NRDC: variants seen among roughly 807,000 people sequenced by gnomAD.
NRDC encodes the protein nardilysin.
In NRDC, 54 loss-of-function variants were observed where a neutral mutation model predicts 147.1. That is an observed-to-expected ratio of 0.37 (90% CI 0.29 to 0.46). NRDC has a LOEUF of 0.46. Among genes scored for constraint, NRDC ranks in the 20% least tolerant of loss-of-function variants. NRDC has a pLI of 1.00. For synonymous variants in NRDC, 440 were observed against 482.1 expected (o/e 0.91, Z 1.14); for missense variants, 1,082 against 1,370.6 (o/e 0.79, Z 3.33).
At chr1:51,805,860 G>A (rs987773001) in intron 18 of NRDC, among the ~76,000 whole-genome samples, 1 of 152,172 alleles carries the variant, frequency 6.6e-6, no homozygotes, top group Non-Finnish European at 1.5e-5. Flanking sequence ...GAGGACAGAT[G>A]CTAAGAACAT....
In NRDC at chr1:51,795,096, A is replaced by G. The variant is rs78589085; in HGVS notation, c.2605-242T>C. On this transcript the variant is annotated intron_variant, in intron 22 of 30. Coordinates refer to ENST00000352171, the MANE Select transcript of NRDC (RefSeq NM_001101662.2). ...TTGGCAATCTGTTTACCCATAATAC[A>G]GTTTCCCAACTGGATCAAACTTAAT... The G allele has an allele frequency of 3.8e-4, 553 of 1,448,188 alleles. 2 individuals are homozygous for G. In the African/African-American group the frequency reaches 7.0e-3, roughly 18 times the overall value. 89.7% of individuals were successfully genotyped at this position (1,448,188 alleles called of 1,614,324 possible).
rs142515878 is a variant in NRDC at position 51,871,862 on chromosome 1, G to A, written c.341+6413C>T. On this transcript the variant is annotated intron_variant, in intron 1 of 30. Coordinates refer to ENST00000352171, the MANE Select transcript of NRDC (RefSeq NM_001101662.2). ...TCATTCAGTTCTTTAAAAACAGGGC[G>A]TTTTTGTTTGTTTTTTGGTTTTCTT... is the stretch of plus-strand genomic sequence containing the variant. Among the ~76,000 whole-genome samples, 875 of 152,116 alleles carry A rather than the reference G, an allele frequency of 5.8e-3. 3 individuals are homozygous for A. Among genetic ancestry groups the A allele is most frequent in the Middle Eastern group, 0.017 (5 of 294 alleles).
rs1484939228 is a variant in NRDC, at chr1:51,878,335, G to C, written c.281C>G (p.Ser94Cys). The change falls in exon 1 of 31, where the codon TCT (serine) becomes TGT (cysteine). Residue 94 changes from serine to cysteine, a missense_variant. Transcript: ENST00000352171. ...CTCAGGGTCCCCAGCATTACTGAGAGACCCCCTCCGTCCCTCTTCCTCAGA... is the reference window on the plus strand; with the variant it reads ...CTCAGGGTCCCCAGCATTACTGAGACACCCCCTCCGTCCCTCTTCCTCAGA... ...DESEEEGRRG[S>C]LSNAGDPEIV... 2.5e-6 allele frequency: 4 copies of C among 1,614,030 alleles called. No individual in the cohort carries two copies. The highest frequency in any genetic ancestry group is 2.7e-5 in the African/African-American group (2 of 74,920).
At chr1:51,805,585 A>T (rs746079577) in intron 18 of NRDC, 24 bp from the exon 19 acceptor site, 1 of 1,503,982 alleles carries the variant, frequency 6.6e-7, no homozygotes, top group African/African-American at 1.4e-5. Flanking sequence ...GACCATAGAT[A>T]AAAAAGGTTA....
At chr1:51,845,122 C>T (rs954394327) in intron 1 of NRDC, among the ~76,000 whole-genome samples, 1 of 152,226 alleles carries the variant, frequency 6.6e-6, no homozygotes, top group African/African-American at 2.4e-5. Flanking sequence ...TTCTTTCCCA[C>T]TACTCTTCCT....
chr1:51,809,474 A>G, intron 16 of NRDC, 73 bp from the exon 17 acceptor site: 2 of 966,556 alleles, frequency 2.1e-6, no homozygotes, highest in East Asian at 4.8e-5. Context: ...TAAACTAGTT[A>G]TCAACTGGCT....
At chr1:51,809,263 G>A (rs1679604436) in intron 17 of NRDC, 52 bp downstream of exon 17, 31 of 1,073,076 alleles carry the variant, frequency 2.9e-5, no homozygotes, top group South Asian at 1.4e-4. Flanking sequence ...TGCTATACAG[G>A]TGCCTATTAG....
intron 4 of NRDC, 150 bp downstream of exon 4, chr1:51,833,867 A>G: frequency 1.5e-6 from 1 of 653,184 alleles, no homozygotes. Context: ...CTTCTACCTC[A>G]GCCTCCCAAA....
intron 1 of NRDC, among the ~76,000 whole-genome samples, chr1:51,874,101 T>C (rs1286058688): frequency 1.3e-5 from 2 of 149,464 alleles, no homozygotes; most frequent in Non-Finnish European, 3.0e-5. Context: ...TACTCCAGCC[T>C]GGGCGATGAA....
rs770138671 is a variant in NRDC at position 51,840,382 on chromosome 1, TTCA to T, written c.471_473del (p.Asp157del). The T allele has an allele frequency of 4.1e-5, 63 of 1,524,216 alleles. No individual in the cohort carries two copies. In the African/African-American group the frequency reaches 5.2e-4, roughly 13 times the overall value. 94.4% of individuals were successfully genotyped at this position (1,524,216 alleles called of 1,614,324 possible). On this transcript the variant is annotated inframe_deletion, in exon 2 of 31. Coordinates refer to ENST00000352171, the MANE Select transcript of NRDC (RefSeq NM_001101662.2). ...CATCTTCTATTTCAGCTCCAGAATC[TTCA>T]TCATCATCTTCTTCTTCTTCCTCCA...
intron 1 of NRDC, among the ~76,000 whole-genome samples, chr1:51,841,136 TGCCCA>T (rs1681246835): frequency 6.6e-6 from 1 of 152,216 alleles, no homozygotes; most frequent in Non-Finnish European, 1.5e-5. Flanking sequence ...TTTGCTTTAC[TGCCCA>T]GGCTGATTTT....
chr1:51,860,981 G>A (rs530210937), intron 1 of NRDC, among the ~76,000 whole-genome samples: 156 of 145,288 alleles, frequency 1.1e-3, no homozygotes, highest in South Asian at 1.9e-3. Flanking sequence ...ACAGAGTCTC[G>A]ATCTGTCACC....
At chr1:51,819,426 A>G (rs1269089243) in intron 9 of NRDC, among the ~76,000 whole-genome samples, 4 of 152,240 alleles carry the variant, frequency 2.6e-5, no homozygotes, top group African/African-American at 4.8e-5. Context: ...ATGAATTTAA[A>G]AGGAAACGAT....
Position 51,800,597 on chromosome 1 carries a change from C to T in NRDC, c.2400G>A (p.Lys800=). 1 of 1,614,054 alleles carries T rather than the reference C, an allele frequency of 6.2e-7. No individual in the cohort carries two copies. The highest frequency in any genetic ancestry group is 8.5e-7 in the Non-Finnish European group (1 of 1,179,958). Residue 800 remains lysine, a synonymous_variant, in exon 21 of 31, where the codon AAG becomes AAA. Coordinates refer to ENST00000352171, the MANE Select transcript of NRDC (RefSeq NM_001101662.2). ...VFTMITEQLK[K]TYFNILIKPE... is the part of the protein sequence containing the mutation. The stretch of plus-strand genomic sequence containing the variant: ...GCTTGATGAGGATGTTAAAGTAGGT[C>T]TTCTTCAACTGCTCAGTTATCATTG...
intron 1 of NRDC, among the ~76,000 whole-genome samples, chr1:51,843,239 G>A (rs1360344582): frequency 6.7e-6 from 1 of 149,592 alleles, no homozygotes; most frequent in Non-Finnish European, 1.5e-5. Context: ...TTAAAAAGCA[G>A]ATGCAGGAAA....
At chr1:51,876,559 C>T (rs985414542) in intron 1 of NRDC, among the ~76,000 whole-genome samples, 5 of 152,126 alleles carry the variant, frequency 3.3e-5, no homozygotes, top group Non-Finnish European at 7.3e-5. Flanking sequence ...GTCATGTTGG[C>T]GCTCATAAAG....
rs1679873041 is a variant in NRDC at position 51,814,557 on chromosome 1, T to C, written c.1613A>G (p.Glu538Gly). The change falls in exon 13 of 31, where the codon GAA becomes GGA. Residue 538 changes from glutamate (E) to glycine (G), a missense_variant. Glu to Gly is a moderately conservative substitution (Grantham distance 98, BLOSUM62 -2). Transcript: ENST00000352171. ...YLKMLQKLGPEKRIFEEIRKI... is the reference protein window; with the variant it reads ...YLKMLQKLGPGKRIFEEIRKI... The stretch of plus-strand genomic sequence containing the variant: ...TCCAGGAAGTGTTTATTACCTTTTT[T>C]CTGGGCCTAGCTTCTGCAGCATTTT... The C allele has an allele frequency of 6.2e-7, 1 of 1,613,550 alleles. No individual in the cohort carries two copies. Among genetic ancestry groups the C allele is most frequent in the African/African-American group, 1.3e-5 (1 of 75,044 alleles).
At chr1:51,801,794 ATTTT>A (rs1184746178) in intron 20 of NRDC, among the ~76,000 whole-genome samples, 1 of 148,638 alleles carries the variant, frequency 6.7e-6, no homozygotes, top group Non-Finnish European at 1.5e-5. Flanking sequence ...AGGTTTTTTG[ATTTT>A]TTTTTTGAGA....
At chr1:51,827,760 A>G in intron 5 of NRDC, 36 bp downstream of exon 5, 1 of 1,543,804 alleles carries the variant, frequency 6.5e-7, no homozygotes, top group Non-Finnish European at 9.0e-7. Flanking sequence ...TTCATGAAGG[A>G]AAAAACTGTA....
Sources: gnomAD v4.1 joint callset for allele counts (sites outside exome capture counted in the v4.1 genomes callset) on GRCh38, gnomAD v4.1.1 for gene constraint, MANE v1.5 for transcripts, NCBI Gene and HGNC (gene_info 2026-07-23, HGNC 2026-07-21) for gene names.